SLC4A4: variants seen among roughly 807,000 people sequenced by gnomAD.
The protein encoded by SLC4A4 is solute carrier family 4 member 4, also known as electrogenic sodium bicarbonate cotransporter 1.
In SLC4A4, 27 loss-of-function variants were observed where a neutral mutation model predicts 111.5. That is an observed-to-expected ratio of 0.24 (90% confidence interval 0.18 to 0.33). The LOEUF is 0.33. Ranked by LOEUF, SLC4A4 falls within the 10% of genes least tolerant of loss-of-function variation. The pLI is 1.00. For synonymous variants in SLC4A4, 443 were observed against 463.4 expected, an observed-to-expected ratio of 0.96 and a Z score of 0.57; for missense variants, 909 against 1,315.5, an observed-to-expected ratio of 0.69 and a Z score of 4.78.
At chr4:71,161,262 T>A (rs1681915304) in intron 2 of SLC4A4, among the ~76,000 whole-genome samples, 1 of 152,218 alleles carries the variant, frequency 6.6e-6, no homozygotes, top group South Asian at 2.1e-4. Flanking sequence ...AAGTACAGTG[T>A]TATGGAGTCA....
chr4:71,560,472 A>G (rs1736878133), intron 23 of SLC4A4, among the ~76,000 whole-genome samples: 1 of 151,802 alleles, frequency 6.6e-6, no homozygotes, highest in South Asian at 2.1e-4. Flanking sequence ...TAATAATGAC[A>G]TAATGACTAA....
intron 1 of SLC4A4, among the ~76,000 whole-genome samples, chr4:71,203,782 A>G: frequency 6.6e-6 from 1 of 152,218 alleles, no homozygotes; most frequent in East Asian, 1.9e-4. Context: ...GGGATTGTTC[A>G]TCTAAATATG....
At chr4:71,376,663 T>C (rs1732431607) in intron 6 of SLC4A4, among the ~76,000 whole-genome samples, 1 of 150,378 alleles carries the variant, frequency 6.6e-6, no homozygotes, top group South Asian at 2.1e-4. Flanking sequence ...AGTTGGAGTC[T>C]CACTTACTCT....
chr4:71,397,193 C>T (rs1354177945), intron 6 of SLC4A4, among the ~76,000 whole-genome samples: 3 of 152,242 alleles, frequency 2.0e-5, no homozygotes, highest in East Asian at 1.9e-4. Context: ...AGGAAACAGC[C>T]GCTCTCTGCA....
intron 24 of SLC4A4, among the ~76,000 whole-genome samples, chr4:71,565,824 C>G (rs866340876): frequency 1.1e-4 from 16 of 151,836 alleles, no homozygotes; most frequent in African/African-American, 3.9e-4. Flanking sequence ...CTTCCAAAAG[C>G]ATACTCATGG....
intron 2 of SLC4A4, among the ~76,000 whole-genome samples, chr4:71,109,731 T>C (rs1028068966): frequency 7.2e-5 from 11 of 151,914 alleles, no homozygotes; most frequent in Admixed American, 7.2e-4. Flanking sequence ...TTAATAGAGA[T>C]GGGTTTTCAC....
At chr4:71,262,737 T>C (rs989682797) in intron 3 of SLC4A4, among the ~76,000 whole-genome samples, 1 of 152,168 alleles carries the variant, frequency 6.6e-6, no homozygotes, top group African/African-American at 2.4e-5. Context: ...CTCTCCTTAA[T>C]TAAATAACAA....
At chr4:71,252,631 G>A (rs1721143849) in intron 2 of SLC4A4, among the ~76,000 whole-genome samples, 1 of 152,142 alleles carries the variant, frequency 6.6e-6, no homozygotes, top group African/African-American at 2.4e-5. Context: ...TTATTGTGCT[G>A]TAAGGATGTC....
intron 22 of SLC4A4, among the ~76,000 whole-genome samples, 153 bp from the exon 23 acceptor site, chr4:71,559,940 G>A (rs1736814347): frequency 1.3e-5 from 2 of 151,700 alleles, no homozygotes; most frequent in Admixed American, 6.6e-5. Context: ...GAGTTCACTC[G>A]GTATAAGTCC....
intron 3 of SLC4A4, among the ~76,000 whole-genome samples, chr4:71,294,671 C>T (rs557171887): frequency 6.6e-6 from 1 of 152,262 alleles, no homozygotes; most frequent in Admixed American, 6.5e-5. Flanking sequence ...TTACAGAAGA[C>T]ACATATGTCA....
At chr4:71,440,491 G>T in intron 7 of SLC4A4, 125 bp from the exon 8 acceptor site, 2 of 1,037,428 alleles carry the variant, frequency 1.9e-6, no homozygotes, top group African/African-American at 1.6e-5. Flanking sequence ...ATGTCAATTT[G>T]TAAAAAGGAA....
chr4:71,447,445 C>A (rs1725338208), intron 8 of SLC4A4, among the ~76,000 whole-genome samples: 1 of 152,234 alleles, frequency 6.6e-6, no homozygotes, highest in Non-Finnish European at 1.5e-5. Context: ...CATTTGCCTC[C>A]AAATAAACTG....
intron 12 of SLC4A4, among the ~76,000 whole-genome samples, chr4:71,459,941 C>A (rs1007668096): frequency 6.6e-6 from 1 of 151,970 alleles, no homozygotes; most frequent in Admixed American, 6.6e-5. Flanking sequence ...TCTCCTTTTA[C>A]ATTTTTATTG....
At chr4:71,101,610 A>T (rs1280095401) in intron 2 of SLC4A4, among the ~76,000 whole-genome samples, 3 of 152,076 alleles carry the variant, frequency 2.0e-5, no homozygotes, top group Admixed American at 1.3e-4. Flanking sequence ...TGGGTCCCTG[A>T]CCCCTGACCC....
At position 71,415,514 on chromosome 4, in the gene SLC4A4, A is replaced by T. The variant is rs76904981; in HGVS notation, c.807+17861A>T. On this transcript the variant is annotated intron_variant, in intron 7 of 25. Transcript: ENST00000264485. ...CAGATGAGTAGGCTAAATGTAGATG[A>T]TAACTTTGTAGTCTTCTCAGCTTAA... 4.3e-3 allele frequency among the ~76,000 whole-genome samples: 649 copies of T among 152,322 alleles called. 1 individual carries two copies. The highest frequency in any genetic ancestry group is 0.015 in the African/African-American group (605 of 41,584).
intron 1 of SLC4A4, among the ~76,000 whole-genome samples, chr4:71,214,526 C>G (rs1718310824): frequency 1.3e-5 from 2 of 152,164 alleles, no homozygotes; most frequent in Non-Finnish European, 2.9e-5. Context: ...CGTACCCTAT[C>G]CTACGTACAT....
At chr4:71,467,524 A>C (rs751526513) in intron 13 of SLC4A4, among the ~76,000 whole-genome samples, 11 of 152,140 alleles carry the variant, frequency 7.2e-5, no homozygotes, top group Non-Finnish European at 1.0e-4. Flanking sequence ...CAAGCACAGG[A>C]ACAATAAGTA....
chr4:71,306,370 CAA>C (rs1407730670), intron 3 of SLC4A4, among the ~76,000 whole-genome samples: 1 of 152,174 alleles, frequency 6.6e-6, no homozygotes, highest in Non-Finnish European at 1.5e-5. Flanking sequence ...ATCATGAGGT[CAA>C]GAGATTGAGA....
chr4:71,459,653 A>G (rs1726637026), intron 12 of SLC4A4, among the ~76,000 whole-genome samples: 2 of 152,122 alleles, frequency 1.3e-5, no homozygotes, highest in Admixed American at 1.3e-4. Flanking sequence ...GTGATTAACT[A>G]CATGTTTATT....
Sources: gnomAD v4.1 joint callset for allele counts (sites outside exome capture counted in the v4.1 genomes callset) on GRCh38, gnomAD v4.1.1 for gene constraint, MANE v1.5 for transcripts, NCBI Gene and HGNC (gene_info 2026-07-23, HGNC 2026-07-21) for gene names.